Variants in FSIP2 observed in about 807,000 individuals in gnomAD.
The protein encoded by FSIP2 is fibrous sheath interacting protein 2, also known as fibrous sheath-interacting protein 2.
A neutral mutation model predicts 510.5 loss-of-function variants in FSIP2; 367 were observed. The ratio of observed to expected loss-of-function variants is 0.72; its 90% CI spans 0.66 to 0.78. The LOEUF is 0.78. Among genes scored for constraint, FSIP2 ranks in the 30% least tolerant of loss-of-function variants. FSIP2 has a pLI of 0.00. For missense variants in FSIP2, 7,594 were observed against 7,901.7 expected (o/e 0.96, Z 1.48); for synonymous variants, 2,601 against 2,732.2 (o/e 0.95, Z 1.50).
At position 185,796,466 on chromosome 2, in the gene FSIP2, C is replaced by T. The variant is rs1693281335; in HGVS notation, c.9330C>T (p.Ser3110=). The part of the protein sequence containing the change: ...EISQMEPSSI[S]ILKENIVASE... Reference sequence around the variant, plus strand: ...GCCAAATGGAACCATCTTCAATTAGCATATTGAAAGAGAACATTGTAGCAA... The same window carrying T: ...GCCAAATGGAACCATCTTCAATTAGTATATTGAAAGAGAACATTGTAGCAA... The change falls in exon 16 of 23, where the codon AGC becomes AGT. Residue 3110 remains serine, a synonymous_variant. Transcript: ENST00000424728. The T allele has an allele frequency of 4.6e-6, 7 of 1,534,832 alleles. No homozygotes were observed. The East Asian group carries it at 1.7e-4, about 38-fold the overall frequency.
Position 185,805,099 on chromosome 2 carries a change from G to T in FSIP2, c.15793G>T (p.Glu5265Ter). The change falls in exon 17 of 23, where the codon GAA (glutamate) becomes TAA (stop). Residue 5265 changes from glutamate (E) to a stop codon, truncating the protein, a stop_gained. Coordinates refer to ENST00000424728, the MANE Select transcript of FSIP2 (RefSeq NM_173651.4). LOFTEE classifies it high-confidence loss of function. The part of the protein sequence containing the change: ...HVSELAKSGK[E>*]KTQPSLYSAT... ...CTCTGAACTTGCTAAATCTGGTAAAGAAAAGACACAGCCTTCTCTCTATTC... is the reference window on the plus strand; with the variant it reads ...CTCTGAACTTGCTAAATCTGGTAAATAAAAGACACAGCCTTCTCTCTATTC... 1 of 1,606,334 alleles carries T rather than the reference G, an allele frequency of 6.2e-7. No homozygotes were observed. The highest frequency in any genetic ancestry group is 8.5e-7 in the Non-Finnish European group (1 of 1,177,086).
At chr2:185,769,581 C>G (rs971480445) in intron 13 of FSIP2, among the ~76,000 whole-genome samples, 4 of 152,044 alleles carry the variant, frequency 2.6e-5, no homozygotes, top group Admixed American at 1.3e-4. Flanking sequence ...TGTCTGTTTA[C>G]TGTATTACTA....
At chr2:185,747,924 A>G (rs1285866571) in intron 7 of FSIP2, among the ~76,000 whole-genome samples, 1 of 152,028 alleles carries the variant, frequency 6.6e-6, no homozygotes, top group Non-Finnish European at 1.5e-5. Context: ...ATTTTTTCCA[A>G]TTAATAATTA....
chr2:185,771,114 C>A (rs1574167208), intron 13 of FSIP2, among the ~76,000 whole-genome samples: 1 of 152,208 alleles, frequency 6.6e-6, no homozygotes, highest in Non-Finnish European at 1.5e-5. Context: ...CAGGGTGGAA[C>A]CCCCATGGCT....
chr2:185,796,189 A>T lies in FSIP2; in HGVS notation c.9053A>T (p.Glu3018Val), dbSNP rs1218909730. 5.2e-6 allele frequency: 8 copies of T among 1,532,254 alleles called. No individual in the cohort carries two copies. The highest frequency in any genetic ancestry group is 6.1e-6 in the Non-Finnish European group (7 of 1,145,308). 94.9% of individuals were successfully genotyped at this position (1,532,254 alleles called of 1,614,324 possible). A position where few individuals can be genotyped will look rare whatever the true frequency, so the allele number is the denominator to read the frequency against. Residue 3018 changes from glutamate (E) to valine (V), a missense_variant, in exon 16 of 23, where the codon GAA becomes GTA. Transcript: ENST00000424728. ...CATATCTCCAAATATGAGTTTTCTG[A>T]AATTGTGAAAATGCCTATAGAAAAC... ...FKHISKYEFSEIVKMPIENLS... is the reference protein window; with the variant it reads ...FKHISKYEFSVIVKMPIENLS...
In FSIP2 at chr2:185,791,963, T is replaced by C. The variant is rs1047552233; in HGVS notation, c.4827T>C (p.Asp1609=). The change falls in exon 16 of 23, where the codon GAT becomes GAC. Residue 1609 remains aspartate (D), a synonymous_variant. Transcript: ENST00000424728. ...TAGAAATTTTGGGTGCTATTAATGA[T>C]GGAAATAAGAAAAGCAATAAGATAG... is the stretch of plus-strand genomic sequence containing the variant. ...GHLEILGAIN[D]GNKKSNKIGW... is the part of the protein sequence containing the mutation. The C allele has an allele frequency of 6.5e-7, 1 of 1,533,640 alleles. No individual in the cohort carries two copies. The highest frequency in any genetic ancestry group is 1.4e-5 in the African/African-American group (1 of 72,822).
rs1433158892 is a variant in FSIP2 at position 185,810,623 on chromosome 2, A to G, written c.19827+1490A>G. On this transcript the variant is annotated intron_variant, in intron 17 of 22. Transcript: ENST00000424728. ...AGTGGAAGAATGTCCTAACACAGAA[A>G]ATTGGTACCAAGGAGTGGGGCGTTA... Among the ~76,000 whole-genome samples the G allele has an allele frequency of 2.0e-5, 3 of 150,688 alleles. No homozygotes were observed. The East Asian group carries it at 5.9e-4, about 30-fold the overall frequency.
At position 185,792,768 on chromosome 2, in the gene FSIP2, G is replaced by A; in HGVS notation, c.5632G>A (p.Val1878Ile). 1.3e-6 allele frequency: 2 copies of A among 1,534,212 alleles called. No individual in the cohort carries two copies. The highest frequency in any genetic ancestry group is 1.7e-6 in the Non-Finnish European group (2 of 1,145,630). The change falls in exon 16 of 23, where the codon GTT (valine) becomes ATT (isoleucine). Residue 1878 changes from valine to isoleucine, a missense_variant. By Grantham distance (29) the Val-to-Ile change is conservative (BLOSUM62 3). Coordinates refer to ENST00000424728, the MANE Select transcript of FSIP2 (RefSeq NM_173651.4). ...RYKTITFSANVSSHEHTYKGK... is the reference protein window; with the variant it reads ...RYKTITFSANISSHEHTYKGK... ...TAAAACTATCACTTTTTCAGCAAAT[G>A]TTTCTTCTCATGAACACACCTATAA...
rs1693458204 is a variant in FSIP2, at chr2:185,802,294, G to A, written c.12988G>A (p.Glu4330Lys). ...IFSPKHNTEI[E>K]LKNMTQRIVN... ...CAGCCCAAAGCATAACACTGAAATT[G>A]AGTTGAAAAACATGACCCAAAGAAT... Residue 4330 changes from glutamate to lysine, a missense_variant, in exon 17 of 23, where the codon GAG becomes AAG. Transcript: ENST00000424728. The A allele has an allele frequency of 6.5e-7, 1 of 1,533,784 alleles. No individual in the cohort carries two copies. Among genetic ancestry groups the A allele is most frequent in the Non-Finnish European group, 8.7e-7 (1 of 1,145,318 alleles).
At chr2:185,744,963 GGT>G (rs767500609) in intron 4 of FSIP2, 2 of 136,248 alleles carry the variant, frequency 1.5e-5, no homozygotes, top group Admixed American at 7.1e-5. Flanking sequence ...TTGACTTAAA[GGT>G]GTGTGTGTGT....
intron 13 of FSIP2, among the ~76,000 whole-genome samples, chr2:185,771,352 C>T (rs1293011119): frequency 2.0e-5 from 3 of 152,242 alleles, no homozygotes; most frequent in Admixed American, 2.0e-4. Context: ...AGGCTTCTGC[C>T]TGGACATCCT....
At chr2:185,785,411 A>G (rs1692948527) in intron 14 of FSIP2, among the ~76,000 whole-genome samples, 1 of 152,060 alleles carries the variant, frequency 6.6e-6, no homozygotes, top group Non-Finnish European at 1.5e-5. Flanking sequence ...ATTTCTCAAA[A>G]TTGAATTATA....
chr2:185,776,498 T>G (rs1478745248), intron 13 of FSIP2, among the ~76,000 whole-genome samples: 2 of 152,172 alleles, frequency 1.3e-5, no homozygotes, highest in Non-Finnish European at 2.9e-5. Flanking sequence ...TTATTTATTT[T>G]TAATTTACTT....
At position 185,791,787 on chromosome 2, in the gene FSIP2, G is replaced by C. The variant is rs1472238665; in HGVS notation, c.4651G>C (p.Glu1551Gln). The C allele has an allele frequency of 6.5e-7, 1 of 1,534,250 alleles. No individual in the cohort carries two copies. Among genetic ancestry groups the C allele is most frequent in the African/African-American group, 1.4e-5 (1 of 72,840 alleles). The change falls in exon 16 of 23, where the codon GAA (glutamate) becomes CAA (glutamine). Residue 1551 changes from glutamate to glutamine, a missense_variant. Coordinates refer to ENST00000424728, the MANE Select transcript of FSIP2 (RefSeq NM_173651.4). ...CAGAAGGGTTCAGGAGGACAATAAA[G>C]AAGAGACTAAAAGCAAGGCAAAACC... ...VSRRVQEDNK[E>Q]ETKSKAKPVA...
At chr2:185,817,033 G>A (rs2105672374) in intron 19 of FSIP2, among the ~76,000 whole-genome samples, 1 of 151,740 alleles carries the variant, frequency 6.6e-6, no homozygotes, top group East Asian at 1.9e-4. Flanking sequence ...GAAGGAGCAA[G>A]GGAGACAGAA....
rs897627958 is a variant in FSIP2, at chr2:185,797,308, A to G, written c.10172A>G (p.Tyr3391Cys). 1 of 1,529,000 alleles carries G rather than the reference A, an allele frequency of 6.5e-7. No homozygotes were observed. The highest frequency in any genetic ancestry group is 8.7e-7 in the Non-Finnish European group (1 of 1,144,846). 94.7% of individuals were successfully genotyped at this position (1,529,000 alleles called of 1,614,324 possible). The change falls in exon 16 of 23, where the codon TAT becomes TGT. Residue 3391 changes from tyrosine to cysteine, a missense_variant. By Grantham distance (194) the Tyr-to-Cys change is radical. Coordinates refer to ENST00000424728, the MANE Select transcript of FSIP2 (RefSeq NM_173651.4). ...LLRMQDKKINYIPEEENENLE... is the reference protein window; with the variant it reads ...LLRMQDKKINCIPEEENENLE... ...AGAATGCAGGATAAAAAAATCAACT[A>G]TATACCTGAGGAAGAAAATGAAAAC...
rs1207049146 is a variant in FSIP2, at chr2:185,805,862, A to G, written c.16556A>G (p.Glu5519Gly). ...GLATGVTNKK[E>G]VDENKVGICT... ...GCTACAGGTGTGACAAATAAAAAGG[A>G]AGTGGATGAAAATAAAGTGGGAATT... The change falls in exon 17 of 23, where the codon GAA becomes GGA. Residue 5519 changes from glutamate to glycine, a missense_variant. Coordinates refer to ENST00000424728, the MANE Select transcript of FSIP2 (RefSeq NM_173651.4). The G allele has an allele frequency of 5.6e-6, 9 of 1,608,640 alleles. No homozygotes were observed. In the Admixed American group the frequency reaches 1.5e-4, roughly 27 times the overall value.
chr2:185,760,971 C>A lies in FSIP2; in HGVS notation c.1079-17C>A. On this transcript the variant is annotated splice_polypyrimidine_tract_variant and intron_variant, in intron 9 of 22. Transcript: ENST00000424728. ...AAAAAAAAAAAACTATAGAGTTTCTCTCTCGTTTTCTTTTAGGACATACAG... is the reference window on the plus strand; with the variant it reads ...AAAAAAAAAAAACTATAGAGTTTCTATCTCGTTTTCTTTTAGGACATACAG... 9.7e-7 allele frequency: 1 copy of A among 1,032,914 alleles called. No individual in the cohort carries two copies. 64.0% of individuals were successfully genotyped at this position (1,032,914 alleles called of 1,614,324 possible).
rs972807954 is a variant in FSIP2 at position 185,764,506 on chromosome 2, A to G, written c.1352A>G (p.Glu451Gly). The change falls in exon 13 of 23, where the codon GAG (glutamate) becomes GGG (glycine). Residue 451 changes from glutamate (E) to glycine (G), a missense_variant. Physicochemically the swap from Glu to Gly is moderately conservative, Grantham distance 98. Coordinates refer to ENST00000424728, the MANE Select transcript of FSIP2 (RefSeq NM_173651.4). ...AFLDPSKEEK[E>G]TNADWDGRPT... ...TTGCTGTTGTGAATTATGTAGAAGG[A>G]GACAAATGCTGATTGGGATGGAAGA... 7.8e-6 allele frequency: 12 copies of G among 1,529,184 alleles called. No homozygotes were observed. Among genetic ancestry groups the G allele is most frequent in the Non-Finnish European group, 1.1e-5 (12 of 1,142,242 alleles). 94.7% of individuals were successfully genotyped at this position (1,529,184 alleles called of 1,614,324 possible). A position where few individuals can be genotyped will look rare whatever the true frequency, so the allele number is the denominator to read the frequency against.
Sources: gnomAD v4.1 joint callset for allele counts (sites outside exome capture counted in the v4.1 genomes callset) on GRCh38, gnomAD v4.1.1 for gene constraint, MANE v1.5 for transcripts, NCBI Gene and HGNC (gene_info 2026-07-23, HGNC 2026-07-21) for gene names.